The following IQGAP2 variants were observed in gnomAD, a reference collection of about 807,000 sequenced individuals.
The protein encoded by IQGAP2 is ras GTPase-activating-like protein IQGAP2.
A neutral mutation model predicts 201.3 loss-of-function variants in IQGAP2; 173 were observed. The observed-to-expected ratio is 0.86, with a 90% CI of 0.76 to 0.98. The LOEUF is 0.98. Ranked by LOEUF, IQGAP2 falls within the 50% of genes least tolerant of loss-of-function variation. The probability of loss-of-function intolerance (pLI) is 0.00; values close to 1 mark genes in which losing one functional copy is unlikely to be tolerated. For missense variants in IQGAP2, 1,687 were observed against 1,864.8 expected (o/e 0.90, Z 1.76); for synonymous variants, 675 against 673.9 (o/e 1.00, Z -0.03).
chr5:76,483,253 G>A (rs1213113158), intron 2 of IQGAP2, among the ~76,000 whole-genome samples: 1 of 152,206 alleles, frequency 6.6e-6, no homozygotes, highest in Admixed American at 6.5e-5. Context: ...CAACCTAGAA[G>A]TGGAATCTTC....
chr5:76,703,916 C>G (rs1747649437), intron 35 of IQGAP2, among the ~76,000 whole-genome samples: 1 of 152,162 alleles, frequency 6.6e-6, no homozygotes, highest in African/African-American at 2.4e-5. Context: ...GCCCAGGGCT[C>G]CATGCACTGG....
chr5:76,685,445 T>G (rs1337668986), intron 30 of IQGAP2, among the ~76,000 whole-genome samples: 1 of 152,250 alleles, frequency 6.6e-6, no homozygotes, highest in Non-Finnish European at 1.5e-5. Context: ...AACTCCAATG[T>G]CTGCATGATA....
At chr5:76,695,387 G>A (rs1374214105) in intron 31 of IQGAP2, 67 bp from the exon 32 acceptor site, 1 of 1,333,870 alleles carries the variant, frequency 7.5e-7, no homozygotes, top group Non-Finnish European at 1.1e-6. Context: ...AACTTGCATT[G>A]TGTAGCTTAT....
chr5:76,704,737 C>A (rs532098412), intron 35 of IQGAP2, among the ~76,000 whole-genome samples: 1 of 152,304 alleles, frequency 6.6e-6, no homozygotes, highest in Non-Finnish European at 1.5e-5. Context: ...ACGGAGCCAG[C>A]CCTGCATTTG....
At chr5:76,483,192 CATAA>C (rs1755896825) in intron 2 of IQGAP2, among the ~76,000 whole-genome samples, 1 of 152,130 alleles carries the variant, frequency 6.6e-6, no homozygotes, top group Non-Finnish European at 1.5e-5. Context: ...TCCTGAATAG[CATAA>C]ATAGAGGTGG....
At chr5:76,706,995 C>T (rs1402731272) in intron 35 of IQGAP2, among the ~76,000 whole-genome samples, 1 of 152,198 alleles carries the variant, frequency 6.6e-6, no homozygotes, top group African/African-American at 2.4e-5. Flanking sequence ...CCATGGCATG[C>T]GCCTGTAGTC....
intron 2 of IQGAP2, among the ~76,000 whole-genome samples, chr5:76,484,729 C>T (rs1364624593): frequency 6.6e-6 from 1 of 152,182 alleles, no homozygotes; most frequent in Non-Finnish European, 1.5e-5. Context: ...TTAATCACTG[C>T]AGCTTTGACC....
Position 76,669,016 on chromosome 5 carries a change from C to T in IQGAP2, c.2843+172C>T, listed in dbSNP as rs183050580. 5.3e-5 allele frequency among the ~76,000 whole-genome samples: 8 copies of T among 152,254 alleles called. No individual in the cohort carries two copies. In the East Asian group the frequency reaches 1.4e-3, roughly 26 times the overall value. On this transcript the variant is annotated intron_variant, in intron 23 of 35. Coordinates refer to ENST00000274364, the MANE Select transcript of IQGAP2 (RefSeq NM_006633.5). Reference sequence around the variant, plus strand: ...ATATTATTAGAGCTATATTCAAGTACCATTTTCTCCCACCAGTGATACTTT... The same window carrying T: ...ATATTATTAGAGCTATATTCAAGTATCATTTTCTCCCACCAGTGATACTTT...
At chr5:76,602,388 C>T (rs1007069655) in intron 11 of IQGAP2, among the ~76,000 whole-genome samples, 2 of 152,108 alleles carry the variant, frequency 1.3e-5, no homozygotes, top group African/African-American at 4.8e-5. Context: ...GGCAACTGTC[C>T]TCCACATGAC....
At chr5:76,679,770 G>A (rs573685380) in intron 28 of IQGAP2, among the ~76,000 whole-genome samples, 7 of 152,006 alleles carry the variant, frequency 4.6e-5, no homozygotes, top group Non-Finnish European at 8.8e-5. Context: ...GATTTTGCCC[G>A]GTCTTTGTAT....
intron 12 of IQGAP2, chr5:76,607,698 G>C (rs997201659): frequency 1.3e-5 from 2 of 152,276 alleles, no homozygotes; most frequent in Admixed American, 6.5e-5. Flanking sequence ...GGTGGGGGTT[G>C]GGGGACCACC....
At position 76,595,243 on chromosome 5, in the gene IQGAP2, C is replaced by CTTT. The variant is rs1180358517; in HGVS notation, c.908-2170_908-2168dup. Among the ~76,000 whole-genome samples the CTTT allele has an allele frequency of 1.7e-4, 6 of 35,304 alleles. 1 individual carries two copies. The highest frequency in any genetic ancestry group is 7.3e-4 in the African/African-American group (6 of 8,234). 23.2% of individuals were successfully genotyped at this position (35,304 alleles called of 152,430 possible). ...GAGCTGGACATTTTGCATTTCTTTG[C>CTTT]TTTTTTTTTTTTTTTTTTTTTTTTT... On this transcript the variant is annotated intron_variant, in intron 9 of 35. Coordinates refer to ENST00000274364, the MANE Select transcript of IQGAP2 (RefSeq NM_006633.5).
chr5:76,511,769 C>T (rs1157119812), intron 2 of IQGAP2, among the ~76,000 whole-genome samples: 1 of 151,826 alleles, frequency 6.6e-6, no homozygotes, highest in Non-Finnish European at 1.5e-5. Flanking sequence ...CAAGCTCTGC[C>T]TCCCGGGTTC....
At chr5:76,604,624 T>A (rs1048828926) in intron 11 of IQGAP2, among the ~76,000 whole-genome samples, 1 of 152,202 alleles carries the variant, frequency 6.6e-6, no homozygotes, top group Admixed American at 6.5e-5. Context: ...TCCTGTTGGG[T>A]CAGCATTTAG....
chr5:76,679,628 C>A (rs1745112244), intron 28 of IQGAP2, among the ~76,000 whole-genome samples: 1 of 152,198 alleles, frequency 6.6e-6, no homozygotes, highest in Non-Finnish European at 1.5e-5. Context: ...CCTAAATAAT[C>A]ATTTCCAAAG....
intron 1 of IQGAP2, among the ~76,000 whole-genome samples, chr5:76,442,115 T>C (rs914816265): frequency 1.3e-5 from 2 of 152,150 alleles, no homozygotes; most frequent in Non-Finnish European, 2.9e-5. Flanking sequence ...CCCCATCAGA[T>C]GAGACATTAA....
intron 14 of IQGAP2, chr5:76,628,712 G>C (rs1561529107): frequency 2.2e-6 from 1 of 456,206 alleles, no homozygotes; most frequent in Non-Finnish European, 4.4e-6. Flanking sequence ...GGAAGCATCT[G>C]TGAGAAACAT....
At chr5:76,688,195 C>T (rs375984882) in intron 30 of IQGAP2, among the ~76,000 whole-genome samples, 10 of 152,146 alleles carry the variant, frequency 6.6e-5, no homozygotes, top group Admixed American at 6.5e-4. Context: ...ATGAAGTGGA[C>T]AGACATGAAA....
At chr5:76,649,298 C>T (rs908510224) in intron 17 of IQGAP2, among the ~76,000 whole-genome samples, 3 of 152,168 alleles carry the variant, frequency 2.0e-5, no homozygotes, top group Non-Finnish European at 4.4e-5. Flanking sequence ...CACCCAGACA[C>T]TTGTAGAACC....
Sources: allele counts gnomAD v4.1 joint callset (sites outside exome capture counted in the v4.1 genomes callset), GRCh38; gene constraint gnomAD v4.1.1; transcripts MANE v1.5; gene names NCBI Gene and HGNC (gene_info 2026-07-23, HGNC 2026-07-21).